Variants in FAM222B observed in about 807,000 individuals in gnomAD.
The protein encoded by FAM222B is family with sequence similarity 222 member B.
In FAM222B, 12 loss-of-function variants were observed where a neutral mutation model predicts 38.0. The ratio of observed to expected loss-of-function variants is 0.32; its 90% CI spans 0.20 to 0.51. FAM222B has a LOEUF of 0.51. FAM222B is among the 20% of genes least tolerant of loss of function. The pLI is 0.97. For synonymous variants in FAM222B, 329 were observed against 317.2 expected (o/e 1.04, Z -0.40); for missense variants, 716 against 754.2 (o/e 0.95, Z 0.59).
chr17:28,810,453 AG>A (rs2037704041), intron 1 of FAM222B, among the ~76,000 whole-genome samples: 1 of 27,332 alleles, frequency 3.7e-5, no homozygotes, highest in African/African-American at 3.0e-4. Context: ...TTTATATACT[AG>A]CTAACTTTGT....
At chr17:28,796,606 G>A (rs144839808) in intron 1 of FAM222B, among the ~76,000 whole-genome samples, 1 of 152,168 alleles carries the variant, frequency 6.6e-6, no homozygotes, top group African/African-American at 2.4e-5. Flanking sequence ...GAGACAGTAT[G>A]CAAAGACAGA....
intron 2 of FAM222B, among the ~76,000 whole-genome samples, chr17:28,764,169 G>C (rs1250026636): frequency 6.7e-6 from 1 of 149,898 alleles, no homozygotes; most frequent in Non-Finnish European, 1.5e-5. Flanking sequence ...CTACTCGAGA[G>C]ACTAAGGCAG....
At chr17:28,769,639 T>C (rs1488659350) in intron 1 of FAM222B, among the ~76,000 whole-genome samples, 1 of 152,220 alleles carries the variant, frequency 6.6e-6, no homozygotes, top group African/African-American at 2.4e-5. Flanking sequence ...ATATCTCTAA[T>C]GACTTTCCAT....
Position 28,776,676 on chromosome 17 carries a change from G to C in FAM222B, c.-40-9969C>G, listed in dbSNP as rs566689033. Among the ~76,000 whole-genome samples the C allele has an allele frequency of 9.9e-5, 15 of 151,798 alleles. No individual in the cohort carries two copies. In the East Asian group the frequency reaches 2.5e-3, roughly 26 times the overall value. ...TCACTTTGTTGCCCAGGCTGCTGCT[G>C]AACTCCTGCTGAAGCAATCTTCTGG... On this transcript the variant is annotated intron_variant, in intron 1 of 2. Coordinates refer to ENST00000581407, the MANE Select transcript of FAM222B (RefSeq NM_001077498.3).
intron 1 of FAM222B, among the ~76,000 whole-genome samples, chr17:28,772,512 CA>C: frequency 7.5e-6 from 1 of 134,098 alleles, no homozygotes; most frequent in East Asian, 2.2e-4. Flanking sequence ...ATCACGAGGT[CA>C]AGAGATCGAG....
chr17:28,841,289 G>A (rs1488633246), intron 1 of FAM222B, among the ~76,000 whole-genome samples: 2 of 152,132 alleles, frequency 1.3e-5, no homozygotes, highest in African/African-American at 2.4e-5. Context: ...GCGAGACTCC[G>A]TCTCAAAAAT....
intron 1 of FAM222B, among the ~76,000 whole-genome samples, chr17:28,852,392 G>A (rs760915596): frequency 1.6e-4 from 24 of 151,856 alleles, no homozygotes; most frequent in African/African-American, 5.3e-4. Context: ...AGTGACTCAC[G>A]CCTGTTATCT....
intron 1 of FAM222B, 53 bp from the exon 2 acceptor site, chr17:28,766,760 G>A (rs1283630695): frequency 9.6e-7 from 1 of 1,036,810 alleles, no homozygotes. Context: ...ATTCGAAGAA[G>A]AGAGTAGGAA....
chr17:28,814,194 AAAG>A (rs1004124581), intron 1 of FAM222B, among the ~76,000 whole-genome samples: 1 of 152,020 alleles, frequency 6.6e-6, no homozygotes, highest in African/African-American at 2.4e-5. Context: ...AAAAAAAAGA[AAAG>A]AAAAAGAAAA....
intron 1 of FAM222B, among the ~76,000 whole-genome samples, chr17:28,826,793 A>G (rs2152600709): frequency 6.6e-6 from 1 of 152,194 alleles, no homozygotes; most frequent in South Asian, 2.1e-4. Flanking sequence ...GCCAATGCTG[A>G]AAACATAGTA....
chr17:28,854,999 G>C, exon 1 of FAM222B: 1 of 1,527,426 alleles, frequency 6.5e-7, no homozygotes, highest in Non-Finnish European at 8.8e-7. Context: ...TCGTAGGAGC[G>C]CTCCTGGTCG....
chr17:28,812,238 C>T (rs1292232351), intron 1 of FAM222B: 1 of 152,296 alleles, frequency 6.6e-6, no homozygotes, highest in African/African-American at 2.4e-5. Context: ...AGGTTCGCTC[C>T]GCAGCGCTCC....
chr17:28,820,955 TATTTTA>T (rs2038194968), intron 1 of FAM222B, among the ~76,000 whole-genome samples: 36 of 148,978 alleles, frequency 2.4e-4, no homozygotes, highest in South Asian at 6.5e-4. Context: ...AAACTCTTTT[TATTTTA>T]TTTTTTTTTT....
intron 1 of FAM222B, among the ~76,000 whole-genome samples, chr17:28,783,869 G>A (rs924170196): frequency 1.3e-5 from 2 of 151,962 alleles, no homozygotes; most frequent in African/African-American, 4.8e-5. Context: ...CACAATCTCG[G>A]CTCACTGCAA....
At chr17:28,824,008 G>C (rs2038352168) in intron 1 of FAM222B, among the ~76,000 whole-genome samples, 1 of 151,036 alleles carries the variant, frequency 6.6e-6, no homozygotes, top group South Asian at 2.1e-4. Flanking sequence ...CTCCCAAGTA[G>C]CTGGGACTAC....
At chr17:28,785,796 C>T (rs1333032952) in intron 1 of FAM222B, among the ~76,000 whole-genome samples, 1 of 151,974 alleles carries the variant, frequency 6.6e-6, no homozygotes, top group African/African-American at 2.4e-5. Flanking sequence ...GCAACTCCAT[C>T]TCCCAGGTTC....
intron 1 of FAM222B, among the ~76,000 whole-genome samples, chr17:28,775,808 G>A (rs2035861604): frequency 6.6e-6 from 1 of 151,264 alleles, no homozygotes; most frequent in Non-Finnish European, 1.5e-5. Flanking sequence ...TTGAACCCAG[G>A]AGATGGAGGT....
intron 1 of FAM222B, among the ~76,000 whole-genome samples, chr17:28,816,644 A>G (rs2038036283): frequency 6.6e-6 from 1 of 152,212 alleles, no homozygotes; most frequent in Non-Finnish European, 1.5e-5. Context: ...AAAAAACAAA[A>G]AAAAACAATG....
intron 1 of FAM222B, among the ~76,000 whole-genome samples, chr17:28,831,409 G>A (rs1268036285): frequency 5.3e-5 from 8 of 151,794 alleles, no homozygotes; most frequent in Admixed American, 5.3e-4. Flanking sequence ...CAGATAGTAT[G>A]AGTCTTCCAA....
Sources: gnomAD v4.1 joint callset for allele counts (sites outside exome capture counted in the v4.1 genomes callset) on GRCh38, gnomAD v4.1.1 for gene constraint, MANE v1.5 for transcripts, NCBI Gene and HGNC (gene_info 2026-07-23, HGNC 2026-07-21) for gene names.